Variants in MMP16 observed in about 807,000 individuals in gnomAD.
The protein encoded by MMP16 is matrix metallopeptidase 16, also known as matrix metalloproteinase-16.
In MMP16, 12 loss-of-function variants were observed where a neutral mutation model predicts 67.8. The ratio of observed to expected loss-of-function variants is 0.18; its 90% CI spans 0.11 to 0.29. The LOEUF (loss-of-function observed/expected upper bound fraction) is 0.29. Among genes scored for constraint, MMP16 ranks in the 10% least tolerant of loss-of-function variants. The probability of loss-of-function intolerance (pLI) is 1.00; values close to 1 mark genes in which losing one functional copy is unlikely to be tolerated. For synonymous variants in MMP16, 249 were observed against 255.9 expected (o/e 0.97, Z 0.26); for missense variants, 475 against 765.7 (o/e 0.62, Z 4.48).
Position 88,238,493 on chromosome 8 carries a change from A to T in MMP16, c.133-41187T>A, listed in dbSNP as rs1048343259. On this transcript the variant is annotated intron_variant, in intron 1 of 9. Coordinates refer to ENST00000286614, the MANE Select transcript of MMP16 (RefSeq NM_005941.5). ...GCCAACATGGTGAAACTCTCTCTCT[A>T]CTAAAAATACAAAAATTAGCTGGAT... is the stretch of plus-strand genomic sequence containing the variant. 4.9e-4 allele frequency among the ~76,000 whole-genome samples: 75 copies of T among 151,800 alleles called. 1 individual carries two copies. Among genetic ancestry groups the T allele is most frequent in the African/African-American group, 1.4e-3 (59 of 41,368 alleles).
At chr8:88,091,424 T>A (rs1808934162) in intron 6 of MMP16, among the ~76,000 whole-genome samples, 1 of 151,836 alleles carries the variant, frequency 6.6e-6, no homozygotes, top group Non-Finnish European at 1.5e-5. Flanking sequence ...CAGCATTCTG[T>A]ATATTGTTCT....
At chr8:88,277,944 C>T (rs1224408742) in intron 1 of MMP16, among the ~76,000 whole-genome samples, 2 of 152,176 alleles carry the variant, frequency 1.3e-5, no homozygotes, top group Admixed American at 1.3e-4. Context: ...ATAAGATCTT[C>T]TCCAGCACTA....
At chr8:88,243,099 C>A (rs1279248350) in intron 1 of MMP16, among the ~76,000 whole-genome samples, 2 of 152,104 alleles carry the variant, frequency 1.3e-5, no homozygotes, top group African/African-American at 4.8e-5. Flanking sequence ...AATGGGAGTT[C>A]TCAGTCATCA....
At chr8:88,105,980 C>G (rs1013852330) in intron 6 of MMP16, among the ~76,000 whole-genome samples, 1 of 149,104 alleles carries the variant, frequency 6.7e-6, no homozygotes, top group African/African-American at 2.5e-5. Context: ...ATTTATAAAT[C>G]TATTTGTATA....
intron 4 of MMP16, among the ~76,000 whole-genome samples, chr8:88,137,725 T>C (rs928974347): frequency 2.0e-5 from 3 of 151,890 alleles, no homozygotes; most frequent in African/African-American, 4.8e-5. Flanking sequence ...TCATAGGTGT[T>C]AGATGTTTTT....
chr8:88,201,323 A>G (rs556814894), intron 1 of MMP16, among the ~76,000 whole-genome samples: 70 of 151,968 alleles, frequency 4.6e-4, no homozygotes, highest in Non-Finnish European at 8.8e-4. Flanking sequence ...CACAATGCCT[A>G]TTTGTGACTG....
chr8:88,059,031 C>T lies in MMP16; in HGVS notation c.1223-2753G>A, dbSNP rs1016078384. Reference sequence around the variant, plus strand: ...TGAATAACAGTGTTATTTAGTAAGACAAGACTAAAGGTGAATGGGCTGTTG... The same window carrying T: ...TGAATAACAGTGTTATTTAGTAAGATAAGACTAAAGGTGAATGGGCTGTTG... On this transcript the variant is annotated intron_variant, in intron 7 of 9. Coordinates refer to ENST00000286614, the MANE Select transcript of MMP16 (RefSeq NM_005941.5). Among the ~76,000 whole-genome samples the T allele has an allele frequency of 4.6e-5, 7 of 151,952 alleles. No homozygotes were observed. The East Asian group carries it at 1.4e-3, about 29-fold the overall frequency.
intron 7 of MMP16, 43 bp from the exon 8 acceptor site, chr8:88,056,321 T>G (rs1395076497): frequency 8.9e-7 from 1 of 1,120,846 alleles, no homozygotes; most frequent in Non-Finnish European, 1.2e-6. Context: ...TAATTTAATG[T>G]CATAATTAGA....
intron 1 of MMP16, among the ~76,000 whole-genome samples, chr8:88,305,308 AC>A (rs1811195793): frequency 6.6e-6 from 1 of 152,196 alleles, no homozygotes; most frequent in South Asian, 2.1e-4. Flanking sequence ...GTGTTTAGGG[AC>A]CTACAAAGAG....
chr8:88,288,942 G>A (rs1034043195), intron 1 of MMP16, among the ~76,000 whole-genome samples: 4 of 152,206 alleles, frequency 2.6e-5, no homozygotes, highest in African/African-American at 9.6e-5. Context: ...TTCTGCCCCT[G>A]TAGGAAGCCA....
At chr8:88,163,472 C>T (rs998082406) in intron 4 of MMP16, among the ~76,000 whole-genome samples, 8 of 151,924 alleles carry the variant, frequency 5.3e-5, no homozygotes, top group African/African-American at 1.5e-4. Flanking sequence ...CAGTAAGCAG[C>T]GTAACTGCAA....
In MMP16 at chr8:88,037,486, C is replaced by T. The variant is rs1166393524; in HGVS notation, c.*3975G>A. ...GTAATCATTACTTAGTAATTTATCA[C>T]ATCGATTCAGAAAAGCCTTGCCCTC... On this transcript the variant is annotated 3_prime_UTR_variant, in exon 10 of 10. Coordinates refer to ENST00000286614, the MANE Select transcript of MMP16 (RefSeq NM_005941.5). The T allele has an allele frequency of 6.6e-6, 1 of 151,882 alleles. No individual in the cohort carries two copies. The highest frequency in any genetic ancestry group is 6.6e-5 in the Admixed American group (1 of 15,208). The allele number at this position is 151,882 out of a possible 1,614,324, so 9.4% of individuals were successfully genotyped here. A position where few individuals can be genotyped will look rare whatever the true frequency, so the allele number is the denominator to read the frequency against.
chr8:88,197,045 G>T, intron 2 of MMP16, 113 bp downstream of exon 2: 1 of 999,608 alleles, frequency 1.0e-6, no homozygotes, highest in East Asian at 2.9e-5. Flanking sequence ...TCCAAAGAAA[G>T]TTCATGAGAC....
chr8:88,086,361 C>G (rs1312077736), intron 6 of MMP16, among the ~76,000 whole-genome samples: 2 of 151,892 alleles, frequency 1.3e-5, no homozygotes, highest in Non-Finnish European at 2.9e-5. Flanking sequence ...CCTTTGAGAT[C>G]TGAAGATCGT....
At chr8:88,113,614 C>G (rs1809378339) in intron 6 of MMP16, among the ~76,000 whole-genome samples, 1 of 151,832 alleles carries the variant, frequency 6.6e-6, no homozygotes, top group African/African-American at 2.4e-5. Context: ...GAAGTAAAGG[C>G]AGTCTAGACT....
intron 1 of MMP16, among the ~76,000 whole-genome samples, chr8:88,265,563 C>T (rs1388509060): frequency 6.6e-6 from 1 of 152,038 alleles, no homozygotes; most frequent in Non-Finnish European, 1.5e-5. Context: ...TAGACTTGGA[C>T]AAGTTAGAGA....
chr8:88,222,179 T>C lies in MMP16; in HGVS notation c.133-24873A>G, dbSNP rs1259108487. Among the ~76,000 whole-genome samples the C allele has an allele frequency of 4.0e-5, 6 of 151,828 alleles. No homozygotes were observed. In the East Asian group the frequency reaches 1.2e-3, roughly 30 times the overall value. On this transcript the variant is annotated intron_variant, in intron 1 of 9. Transcript: ENST00000286614. ...ACAAGTGTGTAGATGACATGGAATCTTGTTTTTAGGAGTGCACAATCAAGA... is the reference window on the plus strand; with the variant it reads ...ACAAGTGTGTAGATGACATGGAATCCTGTTTTTAGGAGTGCACAATCAAGA...
At chr8:88,098,580 C>T (rs1809074506) in intron 6 of MMP16, among the ~76,000 whole-genome samples, 1 of 151,862 alleles carries the variant, frequency 6.6e-6, no homozygotes, top group South Asian at 2.1e-4. Context: ...TATAACATAA[C>T]AAATACTTAT....
chr8:88,272,722 A>C (rs1162513471), intron 1 of MMP16, among the ~76,000 whole-genome samples: 2 of 152,232 alleles, frequency 1.3e-5, no homozygotes, highest in Non-Finnish European at 1.5e-5. Flanking sequence ...AAAGGTTGGC[A>C]GGAGAGGAAT....
Sources: gnomAD v4.1 joint callset for allele counts (sites outside exome capture counted in the v4.1 genomes callset) on GRCh38, gnomAD v4.1.1 for gene constraint, MANE v1.5 for transcripts, NCBI Gene and HGNC (gene_info 2026-07-23, HGNC 2026-07-21) for gene names.